Variants in REPS1 observed in about 807,000 individuals in gnomAD.
The protein encoded by REPS1 is ralBP1-associated Eps domain-containing protein 1.
In REPS1, 39 loss-of-function variants were observed where a neutral mutation model predicts 100.9. That is an observed-to-expected ratio of 0.39 (90% confidence interval 0.30 to 0.50). REPS1 has a LOEUF of 0.50. Among genes scored for constraint, REPS1 ranks in the 20% least tolerant of loss-of-function variants. REPS1 has a pLI of 0.86. For synonymous variants in REPS1, 324 were observed against 340.3 expected (o/e 0.95, Z 0.53); for missense variants, 821 against 968.5 (o/e 0.85, Z 2.02).
At chr6:138,913,774 T>C (rs951271339) in intron 15 of REPS1, among the ~76,000 whole-genome samples, 1 of 152,218 alleles carries the variant, frequency 6.6e-6, no homozygotes, top group Non-Finnish European at 1.5e-5. Flanking sequence ...TGTTTTCCCC[T>C]GAGGAATGTG....
At chr6:138,948,968 G>GGA (rs1366331621) in intron 1 of REPS1, among the ~76,000 whole-genome samples, 3 of 152,140 alleles carry the variant, frequency 2.0e-5, no homozygotes, top group African/African-American at 7.2e-5. Context: ...CTGCCACTAA[G>GGA]GAGCATGTCC....
chr6:138,971,342 G>A (rs1449670773), intron 1 of REPS1, among the ~76,000 whole-genome samples: 1 of 152,104 alleles, frequency 6.6e-6, no homozygotes, highest in Admixed American at 6.5e-5. Context: ...ACTGTGCTAG[G>A]GAATGTGTGA....
chr6:138,922,071 G>T (rs1338626354), intron 10 of REPS1, among the ~76,000 whole-genome samples: 1 of 151,882 alleles, frequency 6.6e-6, no homozygotes, highest in Non-Finnish European at 1.5e-5. Flanking sequence ...AGTGAGGAAT[G>T]ATCTGATAAA....
At chr6:138,937,021 G>A (rs1199725305) in intron 8 of REPS1, among the ~76,000 whole-genome samples, 1 of 152,160 alleles carries the variant, frequency 6.6e-6, no homozygotes, top group Non-Finnish European at 1.5e-5. Context: ...CACATGGCTG[G>A]GGAGGCTTCA....
At chr6:138,915,173 CT>C (rs1359013652) in intron 14 of REPS1, 3 of 171,838 alleles carry the variant, frequency 1.7e-5, no homozygotes, top group African/African-American at 7.2e-5. Context: ...TCTGCCCTAA[CT>C]TTTCTATTTT....
intron 13 of REPS1, among the ~76,000 whole-genome samples, chr6:138,916,950 C>CT (rs1483359074): frequency 6.6e-6 from 1 of 152,234 alleles, no homozygotes; most frequent in Non-Finnish European, 1.5e-5. Context: ...CCTTCTGACT[C>CT]TAAGCTGCTT....
chr6:138,948,621 T>C (rs116941840), intron 1 of REPS1, among the ~76,000 whole-genome samples: 2,007 of 152,300 alleles, frequency 0.013, 28 homozygotes, highest in Non-Finnish European at 0.02. Flanking sequence ...GATTTCAGAT[T>C]ACAAAATCAT....
intron 1 of REPS1, among the ~76,000 whole-genome samples, chr6:138,967,235 CT>C (rs900987260): frequency 7.5e-4 from 114 of 152,094 alleles, no homozygotes; most frequent in Non-Finnish European, 1.1e-3. Flanking sequence ...AAGAAATAAA[CT>C]TTTTTTTCAT....
chr6:138,940,227 A>G (rs1220766333), intron 8 of REPS1, among the ~76,000 whole-genome samples: 1 of 152,224 alleles, frequency 6.6e-6, no homozygotes, highest in African/African-American at 2.4e-5. Context: ...ATGCTGCCTG[A>G]TAGATAAATG....
intron 1 of REPS1, among the ~76,000 whole-genome samples, chr6:138,949,932 T>C (rs1782906809): frequency 6.6e-6 from 1 of 152,138 alleles, no homozygotes; most frequent in Admixed American, 6.5e-5. Context: ...ATATTGCACA[T>C]GTTGTTTTCT....
intron 1 of REPS1, among the ~76,000 whole-genome samples, chr6:138,969,356 A>G (rs891470250): frequency 3.8e-4 from 53 of 140,902 alleles, no homozygotes; most frequent in African/African-American, 1.3e-3. Context: ...CAGTGGTGCA[A>G]TCTCGGCTCA....
chr6:138,984,274 G>C (rs1212285873), intron 1 of REPS1, among the ~76,000 whole-genome samples: 1 of 151,794 alleles, frequency 6.6e-6, no homozygotes, highest in Non-Finnish European at 1.5e-5. Flanking sequence ...GTACAGAAAG[G>C]GTTTCACCAT....
At chr6:138,960,181 G>C (rs1783648519) in intron 1 of REPS1, among the ~76,000 whole-genome samples, 1 of 152,066 alleles carries the variant, frequency 6.6e-6, no homozygotes, top group Non-Finnish European at 1.5e-5. Context: ...CCCCCTTTTG[G>C]TTTAATACCT....
chr6:138,978,107 T>A (rs989290252), intron 1 of REPS1, among the ~76,000 whole-genome samples: 2 of 151,532 alleles, frequency 1.3e-5, no homozygotes, highest in Non-Finnish European at 1.5e-5. Flanking sequence ...TTTTTTTTTT[T>A]CCTTATAAGT....
chr6:138,962,651 G>A lies in REPS1; in HGVS notation c.154-14738C>T, dbSNP rs1007090913. ...AAGTCAAGACTGCTTCACACTTGCT[G>A]TATCTTCAGTATGTTTTCCCCTCAG... On this transcript the variant is annotated intron_variant, in intron 1 of 19. Transcript: ENST00000450536. Among the ~76,000 whole-genome samples, 5 of 152,148 alleles carry A rather than the reference G, an allele frequency of 3.3e-5. No homozygotes were observed. The South Asian group carries it at 1.0e-3, about 32-fold the overall frequency.
At chr6:138,924,189 G>T (rs151027220) in intron 10 of REPS1, among the ~76,000 whole-genome samples, 1 of 152,114 alleles carries the variant, frequency 6.6e-6, no homozygotes, top group East Asian at 1.9e-4. Flanking sequence ...ATTTAAGTTT[G>T]CCAACATAAA....
Position 138,987,929 on chromosome 6 carries a change from A to ACTACGGCTCCGGCTCCGGCTCCGG in REPS1, c.-271_-248dup, listed in dbSNP as rs1785375702. Reference sequence around the variant, plus strand: ...GCGCGCGGCTGCGGCTGCGGCTGCGACTACGGCTCCGGCTCCGGCTCCGGC... The same window carrying ACTACGGCTCCGGCTCCGGCTCCGG: ...GCGCGCGGCTGCGGCTGCGGCTGCGACTACGGCTCCGGCTCCGGCTCCGGCTACGGCTCCGGCTCCGGCTCCGGC... On this transcript the variant is annotated 5_prime_UTR_variant, in exon 1 of 20. Coordinates refer to ENST00000450536, the MANE Select transcript of REPS1 (RefSeq NM_001286611.2). 2.7e-6 allele frequency: 1 copy of ACTACGGCTCCGGCTCCGGCTCCGG among 373,650 alleles called. No homozygotes were observed. The highest frequency in any genetic ancestry group is 2.1e-5 in the African/African-American group (1 of 46,544). 23.1% of individuals were successfully genotyped at this position (373,650 alleles called of 1,614,324 possible).
chr6:138,987,728 G>A lies in REPS1; in HGVS notation c.-46C>T, dbSNP rs1785355752. The A allele has an allele frequency of 6.8e-7, 1 of 1,471,100 alleles. No homozygotes were observed. Among genetic ancestry groups the A allele is most frequent in the Non-Finnish European group, 9.0e-7 (1 of 1,108,268 alleles). 91.1% of individuals were successfully genotyped at this position (1,471,100 alleles called of 1,614,324 possible). A position where few individuals can be genotyped will look rare whatever the true frequency, so the allele number is the denominator to read the frequency against. On this transcript the variant is annotated 5_prime_UTR_variant, in exon 1 of 20. Transcript: ENST00000450536. Reference sequence around the variant, plus strand: ...CGCCCCGCCCCGCATGCACTACTCGGGGCCCGGCCCCAGGAACCTGGGCCG... The same window carrying A: ...CGCCCCGCCCCGCATGCACTACTCGAGGCCCGGCCCCAGGAACCTGGGCCG...
rs35796154 is a variant in REPS1 at position 138,943,966 on chromosome 6, A to C, written c.803T>G (p.Ile268Ser). The C allele has an allele frequency of 5.5e-5, 89 of 1,613,780 alleles. No individual in the cohort carries two copies. The African/African-American group carries it at 1.1e-3, about 19-fold the overall frequency. The change falls in exon 6 of 20, where the codon ATT (isoleucine) becomes AGT (serine). Residue 268 changes from isoleucine (I) to serine (S), a missense_variant. Physicochemically the swap from Ile to Ser is moderately radical, Grantham distance 142. Transcript: ENST00000450536. ...ATCATAACTACTGGATTGCCTACGA[A>C]TTTCAATGGCAGTTGTAGCTGATGC... ...TVASATTAIE[I>S]RRQSSSYDDP...
Sources: gnomAD v4.1 joint callset for allele counts (sites outside exome capture counted in the v4.1 genomes callset) on GRCh38, gnomAD v4.1.1 for gene constraint, MANE v1.5 for transcripts, NCBI Gene and HGNC (gene_info 2026-07-23, HGNC 2026-07-21) for gene names.